The following ASIC2 variants were observed in gnomAD, a reference collection of about 807,000 sequenced individuals.
The protein encoded by ASIC2 is acid-sensing ion channel 2.
ASIC2 carries 25 observed loss-of-function variants against 57.3 expected under a neutral mutation model. The ratio of observed to expected loss-of-function variants is 0.44; its 90% confidence interval spans 0.32 to 0.61. ASIC2 has a LOEUF of 0.61. ASIC2 is among the 20% of genes least tolerant of loss of function. The pLI is 0.06. For missense variants in ASIC2, 641 were observed against 738.1 expected (o/e 0.87, Z 1.52); for synonymous variants, 319 against 307.5 (o/e 1.04, Z -0.39).
intron 3 of ASIC2, among the ~76,000 whole-genome samples, chr17:33,031,637 A>G (rs2091884085): frequency 6.6e-6 from 1 of 152,102 alleles, no homozygotes; most frequent in African/African-American, 2.4e-5. Context: ...TGTTGCTCGG[A>G]TCTTCTATAT....
intron 1 of ASIC2, among the ~76,000 whole-genome samples, chr17:33,130,276 C>A (rs1036646454): frequency 3.3e-5 from 5 of 152,164 alleles, no homozygotes; most frequent in African/African-American, 4.8e-5. Flanking sequence ...TCTCCTCCTT[C>A]TTTTCCTGCT....
chr17:33,205,499 A>G (rs549093021), intron 1 of ASIC2, among the ~76,000 whole-genome samples: 6 of 152,380 alleles, frequency 3.9e-5, no homozygotes, highest in African/African-American at 1.4e-4. Flanking sequence ...AAGCACTGCT[A>G]TAAAACACAG....
At chr17:33,162,933 T>C (rs1384026389) in intron 1 of ASIC2, among the ~76,000 whole-genome samples, 1 of 152,226 alleles carries the variant, frequency 6.6e-6, no homozygotes, top group Non-Finnish European at 1.5e-5. Flanking sequence ...TTTCCTTTTA[T>C]GAATCCCTTT....
At chr17:33,441,327 T>A (rs1911816309) in intron 1 of ASIC2, among the ~76,000 whole-genome samples, 1 of 152,192 alleles carries the variant, frequency 6.6e-6, no homozygotes, top group South Asian at 2.1e-4. Context: ...TGAAGTCCAA[T>A]TTATCAGTTT....
intron 1 of ASIC2, among the ~76,000 whole-genome samples, chr17:33,666,002 C>T (rs562090084): frequency 6.6e-6 from 1 of 152,246 alleles, no homozygotes; most frequent in African/African-American, 2.4e-5. Flanking sequence ...TATTTACATA[C>T]AGTGTGAGCT....
At chr17:33,459,424 C>G (rs924338430) in intron 1 of ASIC2, among the ~76,000 whole-genome samples, 9 of 152,146 alleles carry the variant, frequency 5.9e-5, no homozygotes, top group Non-Finnish European at 1.3e-4. Flanking sequence ...TACATTCAAA[C>G]AGAAAAATGA....
At chr17:33,728,874 G>A (rs147562752) in intron 1 of ASIC2, among the ~76,000 whole-genome samples, 5 of 152,262 alleles carry the variant, frequency 3.3e-5, no homozygotes, top group South Asian at 2.1e-4. Flanking sequence ...TGTTGTGGGT[G>A]CATCCAAATT....
intron 1 of ASIC2, among the ~76,000 whole-genome samples, chr17:33,118,814 C>T (rs183466188): frequency 6.6e-6 from 1 of 152,140 alleles, no homozygotes; most frequent in East Asian, 1.9e-4. Context: ...TTGCACATGC[C>T]AGGGCTTGGA....
chr17:33,515,279 C>G (rs1278710814), intron 1 of ASIC2, among the ~76,000 whole-genome samples: 1 of 152,156 alleles, frequency 6.6e-6, no homozygotes, highest in African/African-American at 2.4e-5. Flanking sequence ...ACACTCCAGC[C>G]CTGCCTAGTC....
chr17:34,018,867 G>A (rs1296493883), intron 1 of ASIC2, among the ~76,000 whole-genome samples: 1 of 152,118 alleles, frequency 6.6e-6, no homozygotes, highest in Admixed American at 6.5e-5. Context: ...TAACAGATGA[G>A]GGGTTGTTTT....
chr17:33,223,954 C>T (rs1422900525), intron 1 of ASIC2, among the ~76,000 whole-genome samples: 1 of 152,180 alleles, frequency 6.6e-6, no homozygotes, highest in African/African-American at 2.4e-5. Context: ...GTCACAGACA[C>T]CAGATTTTTG....
intron 1 of ASIC2, among the ~76,000 whole-genome samples, chr17:33,626,075 G>A (rs371152218): frequency 1.6e-4 from 24 of 152,316 alleles, no homozygotes; most frequent in African/African-American, 3.4e-4. Context: ...TTGATCATTA[G>A]CAACTCACAT....
At chr17:33,073,900 C>A (rs1045704060) in intron 3 of ASIC2, among the ~76,000 whole-genome samples, 2 of 152,044 alleles carry the variant, frequency 1.3e-5, no homozygotes, top group African/African-American at 4.8e-5. Context: ...GGAGTCCTGC[C>A]AACAGAGGGA....
intron 1 of ASIC2, among the ~76,000 whole-genome samples, chr17:33,542,124 G>C (rs1222009978): frequency 6.6e-6 from 1 of 151,848 alleles, no homozygotes; most frequent in Non-Finnish European, 1.5e-5. Flanking sequence ...GGAAGCAAAA[G>C]TCACTTCAAA....
intron 1 of ASIC2, among the ~76,000 whole-genome samples, chr17:33,541,695 A>C (rs1191533784): frequency 6.6e-6 from 1 of 152,126 alleles, no homozygotes; most frequent in African/African-American, 2.4e-5. Flanking sequence ...GAAAGGAGTG[A>C]GCCACCTTCA....
intron 1 of ASIC2, among the ~76,000 whole-genome samples, chr17:33,129,947 C>T (rs556321931): frequency 1.3e-5 from 2 of 152,190 alleles, no homozygotes; most frequent in African/African-American, 2.4e-5. Context: ...GGCTGAACAG[C>T]GGCGGCCACT....
intron 1 of ASIC2, among the ~76,000 whole-genome samples, chr17:33,260,932 G>C (rs747499468): frequency 6.6e-6 from 1 of 152,296 alleles, no homozygotes; most frequent in South Asian, 2.1e-4. Context: ...ATTGCTCTTC[G>C]ATAGGAACCA....
chr17:33,292,704 G>C lies in ASIC2; in HGVS notation c.-589C>G. On this transcript the variant is annotated 5_prime_UTR_variant, in exon 1 of 10. Coordinates refer to ENST00000225823, the MANE Select transcript of ASIC2 (RefSeq NM_183377.2). ...CAGAGGCGCACCGCGGCTCCTGGCT[G>C]GGCGGGCGGGGTGGGTGTGTACGGG... 7.1e-6 allele frequency: 7 copies of C among 985,556 alleles called. No homozygotes were observed. The highest frequency in any genetic ancestry group is 8.4e-6 in the Non-Finnish European group (7 of 830,046). The allele number at this position is 985,556 out of a possible 1,614,324, so 61.1% of individuals were successfully genotyped here.
rs1906871599 is a variant in ASIC2 at position 33,650,066 on chromosome 17, G to A, written c.555+505912C>T. ...TAAAAAGACAAGGTACAAAATGAGA[G>A]GAAATACTTTCAAATTACATATTGG... is the stretch of plus-strand genomic sequence containing the variant. On this transcript the variant is annotated intron_variant, in intron 1 of 9. Coordinates refer to the ASIC2 transcript ENST00000359872. Among the ~76,000 whole-genome samples, 4 of 151,826 alleles carry A rather than the reference G, an allele frequency of 2.6e-5. No homozygotes were observed. In the South Asian group the frequency reaches 8.3e-4, roughly 32 times the overall value.
Sources: gnomAD v4.1 joint callset for allele counts (sites outside exome capture counted in the v4.1 genomes callset) on GRCh38, gnomAD v4.1.1 for gene constraint, MANE v1.5 for transcripts, NCBI Gene and HGNC (gene_info 2026-07-23, HGNC 2026-07-21) for gene names.